MYO1E: variants seen among roughly 807,000 people sequenced by gnomAD.
The protein encoded by MYO1E is unconventional myosin-Ie.
Under a neutral mutation model 151.1 loss-of-function variants are expected in MYO1E, and 68 were observed. The ratio of observed to expected loss-of-function variants is 0.45; its 90% CI spans 0.37 to 0.55. MYO1E has a LOEUF of 0.55. Among genes scored for constraint, MYO1E ranks in the 20% least tolerant of loss-of-function variants. The pLI is 0.00. For synonymous variants in MYO1E, 601 were observed against 501.7 expected, an observed-to-expected ratio of 1.20 and a Z score of -2.64; for missense variants, 1,363 against 1,389.3, an observed-to-expected ratio of 0.98 and a Z score of 0.30.
At chr15:59,357,573 T>C (rs139637826) in intron 1 of MYO1E, among the ~76,000 whole-genome samples, 1,721 of 147,538 alleles carry the variant, frequency 0.012, 29 homozygotes, top group African/African-American at 0.037. Context: ...TACAGGTGCC[T>C]ACCACCACGC....
rs2079363355 is a variant in MYO1E at position 59,134,889 on chromosome 15, T to C, written c.*2491A>G. 6.6e-6 allele frequency: 1 copy of C among 152,178 alleles called. No homozygotes were observed. 9.4% of individuals were successfully genotyped at this position (152,178 alleles called of 1,614,324 possible). A position where few individuals can be genotyped will look rare whatever the true frequency, so the allele number is the denominator to read the frequency against. On this transcript the variant is annotated 3_prime_UTR_variant, in exon 28 of 28. Coordinates refer to ENST00000288235, the MANE Select transcript of MYO1E (RefSeq NM_004998.4). Reference sequence around the variant, plus strand: ...TCCACAGACTAGAGGAAACCCAGGTTAGTGTCTTAAAGGGAAAAAAGACAT... The same window carrying C: ...TCCACAGACTAGAGGAAACCCAGGTCAGTGTCTTAAAGGGAAAAAAGACAT...
At chr15:59,231,585 A>AGGT (rs2080028323) in intron 6 of MYO1E, 117 bp downstream of exon 6, 1 of 1,096,676 alleles carries the variant, frequency 9.1e-7, no homozygotes, top group South Asian at 1.3e-5. Flanking sequence ...AAGATCGAAG[A>AGGT]GGTGGCCTCC....
At chr15:59,305,709 C>T (rs1451254976) in intron 1 of MYO1E, among the ~76,000 whole-genome samples, 6 of 152,222 alleles carry the variant, frequency 3.9e-5, no homozygotes, top group African/African-American at 1.4e-4. Context: ...GTGAGCTGTG[C>T]TTCCTTTCCT....
chr15:59,252,716 A>G (rs2080172333), intron 4 of MYO1E, among the ~76,000 whole-genome samples: 1 of 147,598 alleles, frequency 6.8e-6, no homozygotes, highest in Admixed American at 6.9e-5. Context: ...CTCTGTCTCA[A>G]AAAAAAAAAA....
chr15:59,193,648 G>T (rs1252846829), intron 17 of MYO1E, among the ~76,000 whole-genome samples: 2 of 152,194 alleles, frequency 1.3e-5, no homozygotes, highest in Non-Finnish European at 2.9e-5. Context: ...CAGAAAAGGT[G>T]TCCAGTGGCA....
At chr15:59,211,033 C>G (rs1440964880) in intron 12 of MYO1E, among the ~76,000 whole-genome samples, 1 of 151,912 alleles carries the variant, frequency 6.6e-6, no homozygotes, top group Non-Finnish European at 1.5e-5. Context: ...AACCCTGTCT[C>G]TACTAAAAAT....
chr15:59,296,366 A>C (rs141013101), intron 1 of MYO1E, among the ~76,000 whole-genome samples: 49 of 152,152 alleles, frequency 3.2e-4, no homozygotes, highest in Non-Finnish European at 5.7e-4. Context: ...TCACTCACCA[A>C]ATTGTGTGCA....
At chr15:59,170,227 T>C (rs1397833656) in intron 22 of MYO1E, among the ~76,000 whole-genome samples, 2 of 152,148 alleles carry the variant, frequency 1.3e-5, no homozygotes, top group Non-Finnish European at 2.9e-5. Flanking sequence ...TAATTTATGG[T>C]CCCAGTCATG....
chr15:59,214,198 G>C (rs1437814050), intron 12 of MYO1E, 30 bp downstream of exon 12: 1 of 1,531,848 alleles, frequency 6.5e-7, no homozygotes. Flanking sequence ...ATTATAAATA[G>C]AATAGGATGA....
chr15:59,277,729 A>C (rs1278577667), intron 1 of MYO1E, among the ~76,000 whole-genome samples: 1 of 152,236 alleles, frequency 6.6e-6, no homozygotes, highest in Non-Finnish European at 1.5e-5. Flanking sequence ...AGAATACAGA[A>C]TGCTCTGCAA....
chr15:59,172,019 A>G lies in MYO1E; in HGVS notation c.2358T>C (p.Leu786=). 1 of 1,614,192 alleles carries G rather than the reference A, an allele frequency of 6.2e-7. No individual in the cohort carries two copies. Among genetic ancestry groups the G allele is most frequent in the Non-Finnish European group, 8.5e-7 (1 of 1,180,040 alleles). ...RFKGVKRDLL[L]TPKCLYLIGR... ...CGATTAAGTACAAGCACTTTGGGGT[A>G]AGGAGCAGGTCTCGCTTTACACCCT... is the stretch of plus-strand genomic sequence containing the variant. The change falls in exon 22 of 28, where the codon CTT becomes CTC. Residue 786 remains leucine (L), a synonymous_variant. Transcript: ENST00000288235.
intron 1 of MYO1E, among the ~76,000 whole-genome samples, chr15:59,291,610 C>T (rs975910399): frequency 5.0e-5 from 7 of 138,844 alleles, no homozygotes; most frequent in Admixed American, 3.2e-4. Flanking sequence ...TCAAGGCGTG[C>T]GGATCACCTG....
intron 1 of MYO1E, among the ~76,000 whole-genome samples, chr15:59,308,541 C>T (rs10851647): frequency 0.68 from 102,393 of 151,260 alleles, 35,195 homozygotes; most frequent in East Asian, 0.87. Context: ...GTGTGGGGGC[C>T]CACACCTGTA....
intron 17 of MYO1E, 37 bp downstream of exon 17, chr15:59,195,424 A>T (rs1156691287): frequency 8.4e-6 from 13 of 1,543,360 alleles, no homozygotes; most frequent in Non-Finnish European, 1.2e-5. Flanking sequence ...AGAGGGAAAA[A>T]GGTCCCGGCC....
chr15:59,255,676 C>G (rs905610081), intron 4 of MYO1E, among the ~76,000 whole-genome samples: 33 of 152,180 alleles, frequency 2.2e-4, no homozygotes, highest in African/African-American at 6.8e-4. Flanking sequence ...ATAAAATACA[C>G]TAACACAAAC....
rs77718497 is a variant in MYO1E at position 59,354,624 on chromosome 15, C to A, written c.3+17874G>T. Among the ~76,000 whole-genome samples the A allele has an allele frequency of 6.7e-3, 1,018 of 152,206 alleles. 10 individuals carry two copies. Among genetic ancestry groups the A allele is most frequent in the African/African-American group, 0.024 (984 of 41,538 alleles). ...AAATATCAGGCTCCAAAATGGTGCC[C>A]AGGTGGGCACCATTGCAATGGCTCT... On this transcript the variant is annotated intron_variant, in intron 1 of 27. Transcript: ENST00000288235.
intron 3 of MYO1E, among the ~76,000 whole-genome samples, chr15:59,258,567 T>C (rs2080207288): frequency 6.6e-6 from 1 of 152,172 alleles, no homozygotes; most frequent in African/African-American, 2.4e-5. Context: ...AGAGAAACAT[T>C]TAGCGCTGGG....
At chr15:59,339,570 TCC>T (rs1185923370) in intron 1 of MYO1E, among the ~76,000 whole-genome samples, 1 of 152,160 alleles carries the variant, frequency 6.6e-6, no homozygotes, top group Non-Finnish European at 1.5e-5. Flanking sequence ...CATGTTAGGC[TCC>T]CATCCCAGAC....
chr15:59,372,625 A>G lies in MYO1E; in HGVS notation c.-125T>C. 1 of 1,266,310 alleles carries G rather than the reference A, an allele frequency of 7.9e-7. No homozygotes were observed. Among genetic ancestry groups the G allele is most frequent in the Non-Finnish European group, 1.1e-6 (1 of 919,996 alleles). The allele number at this position is 1,266,310 out of a possible 1,614,324, so 78.4% of individuals were successfully genotyped here. ...CGCCAAAAACAGGCTCCCGACACCC[A>G]AGCACTCACAGGAGCCAATGGGAAC... On this transcript the variant is annotated 5_prime_UTR_variant, in exon 1 of 28. Coordinates refer to ENST00000288235, the MANE Select transcript of MYO1E (RefSeq NM_004998.4).
Sources: gnomAD v4.1 joint callset for allele counts (sites outside exome capture counted in the v4.1 genomes callset) on GRCh38, gnomAD v4.1.1 for gene constraint, MANE v1.5 for transcripts, NCBI Gene and HGNC (gene_info 2026-07-23, HGNC 2026-07-21) for gene names.